The following MAN2B1 variants were observed in gnomAD, a reference collection of about 807,000 sequenced individuals.
The protein encoded by MAN2B1 is mannosidase alpha class 2B member 1.
Under a neutral mutation model 127.5 loss-of-function variants are expected in MAN2B1, and 99 were observed. That is an observed-to-expected ratio of 0.78 (90% CI 0.66 to 0.92). The LOEUF is 0.92. Ranked by LOEUF, MAN2B1 falls within the 40% of genes least tolerant of loss-of-function variation. The pLI, the probability that MAN2B1 is intolerant of heterozygous loss-of-function variation, is 0.00. For missense variants in MAN2B1, 1,304 were observed against 1,384.8 expected (o/e 0.94, Z 0.93); for synonymous variants, 573 against 568.8 (o/e 1.01, Z -0.11).
chr19:12,664,970 G>T lies in MAN2B1; in HGVS notation c.452C>A (p.Ala151Asp). 2.5e-6 allele frequency: 4 copies of T among 1,613,708 alleles called. No homozygotes were observed. The highest frequency in any genetic ancestry group is 3.4e-6 in the Non-Finnish European group (4 of 1,180,040). Residue 151 changes from alanine to aspartate, a missense_variant, in exon 4 of 24, where the codon GCC (alanine) becomes GAC (aspartate). Transcript: ENST00000456935. ...ATCGTTCATCACCCAGCCACCATTG[G>T]CGAACTCCAGGCGCCCTGTGCCAGG... ...DLVRQGRLEFANGGWVMNDEA... is the reference protein window; with the variant it reads ...DLVRQGRLEFDNGGWVMNDEA...
intron 14 of MAN2B1, among the ~76,000 whole-genome samples, chr19:12,653,218 C>T (rs2023883738): frequency 6.8e-6 from 1 of 147,192 alleles, no homozygotes; most frequent in South Asian, 2.2e-4. Flanking sequence ...GTGATCTTGG[C>T]TCACTGCAAC....
intron 7 of MAN2B1, chr19:12,658,821 A>C: frequency 2.5e-6 from 1 of 406,714 alleles, no homozygotes; most frequent in South Asian, 2.2e-5. Flanking sequence ...GGGCAGGAAT[A>C]ATCGTTTTGC....
chr19:12,658,182 G>A, intron 9 of MAN2B1, 41 bp from the exon 10 acceptor site: 1 of 1,613,672 alleles, frequency 6.2e-7, no homozygotes, highest in Non-Finnish European at 8.5e-7. Flanking sequence ...AGCCTGTCGG[G>A]CCTCGGGGCT....
At position 12,650,236 on chromosome 19, in the gene MAN2B1, G is replaced by A; in HGVS notation, c.2047-14C>T. 2.6e-6 allele frequency: 4 copies of A among 1,550,642 alleles called. No homozygotes were observed. Among genetic ancestry groups the A allele is most frequent in the East Asian group, 2.2e-5 (1 of 44,598 alleles). On this transcript the variant is annotated splice_polypyrimidine_tract_variant and intron_variant, in intron 16 of 23. Transcript: ENST00000456935. ...CACCAAGGGTGTCTGCGGGCACACG[G>A]GTGAGGTGGATGTCAGTCTGTACCT...
chr19:12,657,625 T>A, intron 10 of MAN2B1, 70 bp from the exon 11 acceptor site: 2 of 1,336,878 alleles, frequency 1.5e-6, no homozygotes, highest in Non-Finnish European at 1.1e-6. Flanking sequence ...AAGCGAAAGG[T>A]CCGGTGCTGG....
Position 12,665,503 on chromosome 19 carries a change from G to C in MAN2B1, c.285C>G (p.Ala95=), listed in dbSNP as rs750997069. The change falls in exon 3 of 24, where the codon GCC becomes GCG. Residue 95 remains alanine, a synonymous_variant. Coordinates refer to ENST00000456935, the MANE Select transcript of MAN2B1 (RefSeq NM_000528.4). ...FYGIKNDIQH[A]GVQYILDSVI... is the part of the protein sequence containing the mutation. ...CCGAGTCCAGGATGTACTGCACACC[G>C]GCGTGCTGGATGTCATTCTTGACTG... 7.4e-6 allele frequency: 12 copies of C among 1,614,086 alleles called. No homozygotes were observed. Among genetic ancestry groups the C allele is most frequent in the Middle Eastern group, 1.6e-4 (1 of 6,084 alleles).
chr19:12,648,383 T>C lies in MAN2B1; in HGVS notation c.2456A>G (p.Lys819Arg), dbSNP rs2023753528. The change falls in exon 21 of 24, where the codon AAG (lysine) becomes AGG (arginine). Residue 819 changes from lysine (K) to arginine (R), a missense_variant. Physicochemically the swap from Lys to Arg is conservative, Grantham distance 26 (BLOSUM62 2). Coordinates refer to ENST00000456935, the MANE Select transcript of MAN2B1 (RefSeq NM_000528.4). Reference protein sequence around the residue: ...LELMVHRRLLKDDGRGVSEPL... With the variant: ...LELMVHRRLLRDDGRGVSEPL... ...CTCCGATACTCCGCGTCCATCGTCC[T>C]TCAGCAGCCTTCGGTGCACCTGGGG... The C allele has an allele frequency of 1.9e-6, 3 of 1,612,628 alleles. No homozygotes were observed. Among genetic ancestry groups the C allele is most frequent in the African/African-American group, 2.7e-5 (2 of 74,888 alleles).
Position 12,657,057 on chromosome 19 carries a change from C to A in MAN2B1, c.1420-1G>T. 6.3e-7 allele frequency: 1 copy of A among 1,597,834 alleles called. No homozygotes were observed. Among genetic ancestry groups the A allele is most frequent in the South Asian group, 1.1e-5 (1 of 90,224 alleles). On this transcript the variant is annotated splice_acceptor_variant, in intron 11 of 23. Coordinates refer to ENST00000456935, the MANE Select transcript of MAN2B1 (RefSeq NM_000528.4). LOFTEE classifies it high-confidence loss of function. ...GCGCCAGCGCGTTGCTCAGAAGAAC[C>A]TGCGGAAGAGCGCAAAGGGACCGGT...
Position 12,650,187 on chromosome 19 carries a change from TGAG to T in MAN2B1, c.2079_2081del (p.Phe693_Ser694delinsLeu). On this transcript the variant is annotated inframe_deletion, in exon 17 of 24. Coordinates refer to ENST00000456935, the MANE Select transcript of MAN2B1 (RefSeq NM_000528.4). ...GGCGAACCACCTGGGAACACCAAGCTGAGAAGTTCTGGTGCACCTCCTGCACCA... is the reference window on the plus strand; with the variant it reads ...GGCGAACCACCTGGGAACACCAAGCTAAGTTCTGGTGCACCTCCTGCACCA... 2 of 1,613,816 alleles carry T rather than the reference TGAG, an allele frequency of 1.2e-6. No individual in the cohort carries two copies. Among genetic ancestry groups the T allele is most frequent in the Non-Finnish European group, 1.7e-6 (2 of 1,179,938 alleles).
intron 4 of MAN2B1, 136 bp downstream of exon 4, chr19:12,664,656 C>T (rs1441230863): frequency 2.1e-6 from 2 of 955,726 alleles, no homozygotes; most frequent in African/African-American, 1.6e-5. Context: ...ACGGCTCACT[C>T]AAGGGGCAGG....
chr19:12,663,761 C>T lies in MAN2B1; in HGVS notation c.705G>A (p.Met235Ile). The part of the protein sequence containing the change: ...DKWVRMQKLE[M>I]EQVWRASTSL... ...TGGTGCTGGCCCGCCACACCTGCTC[C>T]ATCTCCAGCTTCTGCATCCGTACCC... The change falls in exon 5 of 24, where the codon ATG becomes ATA. Residue 235 changes from methionine to isoleucine, a missense_variant. Transcript: ENST00000456935. 6.2e-7 allele frequency: 1 copy of T among 1,614,202 alleles called. No homozygotes were observed. The highest frequency in any genetic ancestry group is 1.3e-5 in the African/African-American group (1 of 75,078).
chr19:12,646,775 T>C (rs1356999162), intron 23 of MAN2B1, 43 bp from the exon 24 acceptor site: 10 of 1,338,006 alleles, frequency 7.5e-6, no homozygotes, highest in Non-Finnish European at 9.7e-6. Flanking sequence ...AGGTGCAGAC[T>C]TCCTCTGACT....
chr19:12,665,200 G>T, intron 3 of MAN2B1, 152 bp downstream of exon 3: 2 of 1,090,460 alleles, frequency 1.8e-6, no homozygotes, highest in Non-Finnish European at 2.8e-6. Context: ...TTTGTGGGAT[G>T]TATAGGAGGT....
chr19:12,652,398 C>G lies in MAN2B1; in HGVS notation c.1893G>C (p.Gln631His). ...GLLMEIMNMN[Q>H]QLLLPVRQTF... ...TCTGGCGAACAGGCAGCAGGAGTTG[C>G]TGATTCATGTTCATAATCTCCATCA... is the stretch of plus-strand genomic sequence containing the variant. The change falls in exon 15 of 24, where the codon CAG becomes CAC. Residue 631 changes from glutamine (Q) to histidine (H), a missense_variant. Coordinates refer to ENST00000456935, the MANE Select transcript of MAN2B1 (RefSeq NM_000528.4). 1 of 1,614,122 alleles carries G rather than the reference C, an allele frequency of 6.2e-7. No individual in the cohort carries two copies. Among genetic ancestry groups the G allele is most frequent in the South Asian group, 1.1e-5 (1 of 91,076 alleles).
chr19:12,647,723 G>A lies in MAN2B1; in HGVS notation c.2665-125C>T. 1.3e-6 allele frequency: 1 copy of A among 780,040 alleles called. No individual in the cohort carries two copies. The highest frequency in any genetic ancestry group is 1.8e-5 in the South Asian group (1 of 56,902). 48.3% of individuals were successfully genotyped at this position (780,040 alleles called of 1,614,324 possible). On this transcript the variant is annotated intron_variant, in intron 21 of 23. Transcript: ENST00000456935. This position sits in a 1 kb window ranked among gnomAD's most constrained non-coding sequence, Gnocchi z 4.9. ...CGGGGTTTCGCCGGAGAGGGGCAAGGCTCAGCCGAGAGGAGCGGCCAGGGC... is the reference window on the plus strand; with the variant it reads ...CGGGGTTTCGCCGGAGAGGGGCAAGACTCAGCCGAGAGGAGCGGCCAGGGC...
chr19:12,648,042 T>C, intron 21 of MAN2B1, 133 bp downstream of exon 21: 2 of 925,926 alleles, frequency 2.2e-6, no homozygotes, highest in South Asian at 1.4e-5. Flanking sequence ...GCCCAGGGGA[T>C]GGGGTTGGCC....
At chr19:12,656,526 T>C in intron 13 of MAN2B1, 45 bp downstream of exon 13, 1 of 1,409,210 alleles carries the variant, frequency 7.1e-7, no homozygotes, top group South Asian at 1.2e-5. Context: ...AAATGCCCAC[T>C]GGGGGAGGAG....
At chr19:12,657,635 G>C in intron 10 of MAN2B1, 80 bp from the exon 11 acceptor site, 2 of 1,255,120 alleles carry the variant, frequency 1.6e-6, no homozygotes, top group Non-Finnish European at 2.3e-6. Flanking sequence ...TCCGGTGCTG[G>C]CGGGCAGGAT....
At chr19:12,648,555 C>T (rs2023759563) in intron 20 of MAN2B1, among the ~76,000 whole-genome samples, 153 bp from the exon 21 acceptor site, 1 of 152,136 alleles carries the variant, frequency 6.6e-6, no homozygotes, top group African/African-American at 2.4e-5. Flanking sequence ...AGGGCAACCC[C>T]AGCAGAGGCA....
Sources: gnomAD v4.1 joint callset for allele counts (sites outside exome capture counted in the v4.1 genomes callset) on GRCh38, gnomAD v4.1.1 for gene constraint, Gnocchi (gnomAD v3.1) non-coding constraint, MANE v1.5 for transcripts, NCBI Gene and HGNC (gene_info 2026-07-23, HGNC 2026-07-21) for gene names.